Variants in NALCN observed in about 807,000 individuals in gnomAD.
NALCN encodes the protein sodium leak channel NALCN.
A neutral mutation model predicts 225.3 loss-of-function variants in NALCN; 111 were observed. That is an observed-to-expected ratio of 0.49 (90% CI 0.42 to 0.58). The LOEUF (loss-of-function observed/expected upper bound fraction) is 0.58, where lower values mean the gene tolerates loss of function less well. Ranked by LOEUF, NALCN falls within the 20% of genes least tolerant of loss-of-function variation. The pLI, the probability that NALCN is intolerant of heterozygous loss-of-function variation, is 0.00. For synonymous variants in NALCN, 764 were observed against 769.0 expected, an observed-to-expected ratio of 0.99 and a Z score of 0.11; for missense variants, 1,378 against 2,202.4, an observed-to-expected ratio of 0.63 and a Z score of 7.49.
chr13:101,107,336 G>T, intron 22 of NALCN, 151 bp downstream of exon 22: 1 of 1,327,098 alleles, frequency 7.5e-7, no homozygotes. Flanking sequence ...ACCTGGTCGG[G>T]TGTTCAGCAA....
At chr13:101,135,555 T>C (rs879856511) in intron 17 of NALCN, among the ~76,000 whole-genome samples, 1 of 152,194 alleles carries the variant, frequency 6.6e-6, no homozygotes, top group Non-Finnish European at 1.5e-5. Flanking sequence ...TGTGCCACCA[T>C]GCTCAGCTAC....
At chr13:101,183,210 C>T (rs1272643205) in intron 14 of NALCN, among the ~76,000 whole-genome samples, 1 of 152,198 alleles carries the variant, frequency 6.6e-6, no homozygotes, top group Non-Finnish European at 1.5e-5. Context: ...CTAATGTTTA[C>T]CTACACTACC....
At chr13:101,377,197 CTT>C in intron 4 of NALCN, 141 bp from the exon 5 acceptor site, 1 of 1,035,676 alleles carries the variant, frequency 9.7e-7, no homozygotes, top group Non-Finnish European at 1.4e-6. Context: ...CCAAAATCCA[CTT>C]TCTTTTGAGT....
chr13:101,281,350 T>G (rs2043161960), intron 10 of NALCN, among the ~76,000 whole-genome samples: 1 of 152,192 alleles, frequency 6.6e-6, no homozygotes, highest in Non-Finnish European at 1.5e-5. Flanking sequence ...GTGGAGACTG[T>G]GCATGTTTCT....
chr13:101,147,562 A>T (rs1347780513), intron 15 of NALCN, among the ~76,000 whole-genome samples: 2 of 152,122 alleles, frequency 1.3e-5, no homozygotes, highest in African/African-American at 4.8e-5. Context: ...AAACAAAAAC[A>T]AAAATATAAA....
intron 10 of NALCN, among the ~76,000 whole-genome samples, chr13:101,278,661 T>C (rs984368626): frequency 6.6e-6 from 1 of 151,514 alleles, no homozygotes; most frequent in Admixed American, 6.6e-5. Context: ...AGGTGAAACA[T>C]AACAGAAGTC....
intron 7 of NALCN, among the ~76,000 whole-genome samples, chr13:101,325,563 C>G (rs74117861): frequency 0.02 from 3,078 of 152,220 alleles, 107 homozygotes; most frequent in African/African-American, 0.07. Flanking sequence ...GCCTCTTAAG[C>G]CCTCCTCAAA....
intron 10 of NALCN, among the ~76,000 whole-genome samples, chr13:101,263,366 T>C: frequency 6.6e-6 from 1 of 152,236 alleles, no homozygotes; most frequent in East Asian, 1.9e-4. Flanking sequence ...TGTTATTTAG[T>C]CTTTCTTGCA....
intron 15 of NALCN, among the ~76,000 whole-genome samples, chr13:101,168,832 C>CAT: frequency 6.6e-6 from 1 of 152,290 alleles, no homozygotes; most frequent in Non-Finnish European, 1.5e-5. Context: ...TTGCTCTACA[C>CAT]ATTAGCCACA....
At chr13:101,200,832 G>A (rs2040089926) in intron 13 of NALCN, among the ~76,000 whole-genome samples, 1 of 152,142 alleles carries the variant, frequency 6.6e-6, no homozygotes, top group African/African-American at 2.4e-5. Context: ...ATCATGCAAA[G>A]GAGTTTTAAG....
chr13:101,203,082 C>T (rs2040187077), intron 13 of NALCN, among the ~76,000 whole-genome samples: 1 of 152,178 alleles, frequency 6.6e-6, no homozygotes, highest in Non-Finnish European at 1.5e-5. Flanking sequence ...ATCAAAATAA[C>T]ATATATGTGA....
chr13:101,266,051 G>A (rs888524334), intron 10 of NALCN, among the ~76,000 whole-genome samples: 6 of 152,096 alleles, frequency 3.9e-5, no homozygotes, highest in Non-Finnish European at 8.8e-5. Flanking sequence ...TCTCTGTGCT[G>A]GATTTCACCT....
chr13:101,183,967 T>A (rs900603155), intron 14 of NALCN, among the ~76,000 whole-genome samples: 1 of 152,220 alleles, frequency 6.6e-6, no homozygotes, highest in Admixed American at 6.6e-5. Flanking sequence ...CATTTACTAT[T>A]TGGCACTTTT....
intron 7 of NALCN, among the ~76,000 whole-genome samples, chr13:101,295,638 C>G (rs1242050338): frequency 2.0e-5 from 3 of 151,962 alleles, no homozygotes; most frequent in African/African-American, 7.3e-5. Context: ...CAGTACAGCT[C>G]AAAGAGAAGG....
chr13:101,389,309 C>T lies in NALCN; in HGVS notation c.291+5874G>A, dbSNP rs142152909. Among the ~76,000 whole-genome samples, 209 of 152,242 alleles carry T rather than the reference C, an allele frequency of 1.4e-3. 2 individuals are homozygous for T. The highest frequency in any genetic ancestry group is 0.011 in the Admixed American group (169 of 15,286). ...AGGTGAACCTTAAAATAAATGGCAA[C>T]ATTTGTAGAAATGTAAACTGGTAGG... On this transcript the variant is annotated intron_variant, in intron 3 of 43. Coordinates refer to ENST00000251127, the MANE Select transcript of NALCN (RefSeq NM_052867.4).
intron 37 of NALCN, among the ~76,000 whole-genome samples, chr13:101,070,822 C>T (rs1312995697): frequency 6.6e-6 from 1 of 152,102 alleles, no homozygotes. Context: ...TCTCACACTG[C>T]TAATAAAGAC....
At chr13:101,083,314 T>C (rs1410262823) in intron 31 of NALCN, 116 bp from the exon 32 acceptor site, 2 of 859,610 alleles carry the variant, frequency 2.3e-6, no homozygotes, top group Admixed American at 4.9e-5. Context: ...CCCCAAACAG[T>C]TCCGTCTATT....
At position 101,281,916 on chromosome 13, in the gene NALCN, T is replaced by A. The variant is rs557256445; in HGVS notation, c.1134+2017A>T. ...TAGGTATATGAAAAAGTGCATACGA[T>A]CCCTAATTATCAGGGAAATACAAAT... On this transcript the variant is annotated intron_variant, in intron 10 of 43. Coordinates refer to ENST00000251127, the MANE Select transcript of NALCN (RefSeq NM_052867.4). Among the ~76,000 whole-genome samples, 17 of 152,242 alleles carry A rather than the reference T, an allele frequency of 1.1e-4. No homozygotes were observed. The South Asian group carries it at 3.5e-3, about 32-fold the overall frequency.
intron 13 of NALCN, among the ~76,000 whole-genome samples, chr13:101,221,195 T>TCTACC: frequency 6.6e-6 from 1 of 152,184 alleles, no homozygotes; most frequent in Non-Finnish European, 1.5e-5. Flanking sequence ...CAAAATCTAC[T>TCTACC]GCAACCTCTG....
Sources: allele counts gnomAD v4.1 joint callset (sites outside exome capture counted in the v4.1 genomes callset), GRCh38; gene constraint gnomAD v4.1.1; transcripts MANE v1.5; gene names NCBI Gene and HGNC (gene_info 2026-07-23, HGNC 2026-07-21).